The following ATPSCKMT variants were observed in gnomAD, a reference collection of about 807,000 sequenced individuals.
The protein encoded by ATPSCKMT is ATP synthase c subunit lysine N-methyltransferase, also known as ATP synthase subunit C lysine N-methyltransferase.
In ATPSCKMT, 24 loss-of-function variants were observed where a neutral mutation model predicts 24.3. The observed-to-expected ratio is 0.99, with a 90% confidence interval of 0.71 to 1.39. The LOEUF (loss-of-function observed/expected upper bound fraction) is 1.39. Ranked by LOEUF, ATPSCKMT falls within the 40% of genes most tolerant of loss-of-function variation. The pLI is 0.00. For synonymous variants in ATPSCKMT, 95 were observed against 110.5 expected, an observed-to-expected ratio of 0.86 and a Z score of 0.88; for missense variants, 311 against 298.4, an observed-to-expected ratio of 1.04 and a Z score of -0.31.
chr5:10,236,738 G>C, intron 2 of ATPSCKMT, 123 bp from the exon 3 acceptor site: 1 of 1,475,450 alleles, frequency 6.8e-7, no homozygotes, highest in Admixed American at 2.4e-5. Flanking sequence ...CCGTGACTAA[G>C]ACATCATTTT....
chr5:10,245,011 A>G (rs751480307), intron 1 of ATPSCKMT, among the ~76,000 whole-genome samples: 3 of 152,188 alleles, frequency 2.0e-5, no homozygotes, highest in African/African-American at 4.8e-5. Context: ...ACAGCAGTTA[A>G]GAGGATTTGG....
chr5:10,231,338 G>C (rs897785098), intron 4 of ATPSCKMT, among the ~76,000 whole-genome samples: 1 of 152,054 alleles, frequency 6.6e-6, no homozygotes, highest in African/African-American at 2.4e-5. Flanking sequence ...CTGGACACCT[G>C]CAAGAGCTTA....
At chr5:10,240,506 C>T (rs1193312889) in intron 1 of ATPSCKMT, among the ~76,000 whole-genome samples, 1 of 152,128 alleles carries the variant, frequency 6.6e-6, no homozygotes, top group African/African-American at 2.4e-5. Context: ...CCCAGCTCTG[C>T]CACCTCACTA....
chr5:10,236,445 G>T (rs370131977), intron 3 of ATPSCKMT, 33 bp downstream of exon 3: 4 of 1,576,032 alleles, frequency 2.5e-6, no homozygotes, highest in East Asian at 4.5e-5. Flanking sequence ...TTTTCCCTTG[G>T]ATTTCTCTAG....
intron 3 of ATPSCKMT, 52 bp downstream of exon 3, chr5:10,236,426 A>G (rs1198714712): frequency 1.3e-6 from 2 of 1,571,564 alleles, no homozygotes; most frequent in Admixed American, 3.8e-5. Flanking sequence ...CTAATTTTGA[A>G]TAATAAAATT....
rs1226876036 is a variant in ATPSCKMT, at chr5:10,238,909, C to T, written c.306+158G>A. On this transcript the variant is annotated intron_variant, in intron 2 of 4. Transcript: ENST00000511437. ...ATCTGGGAAAAATGAATTCCAAACACACTGGTAGTTGAATAGTTTGGTCAA... is the reference window on the plus strand; with the variant it reads ...ATCTGGGAAAAATGAATTCCAAACATACTGGTAGTTGAATAGTTTGGTCAA... 3 of 854,082 alleles carry T rather than the reference C, an allele frequency of 3.5e-6. No homozygotes were observed. In the East Asian group the frequency reaches 8.0e-5, roughly 23 times the overall value. The allele number at this position is 854,082 out of a possible 1,614,324, so 52.9% of individuals were successfully genotyped here.
rs544238057 is a variant in ATPSCKMT, at chr5:10,229,741, C to T, written c.496-2094G>A. Among the ~76,000 whole-genome samples, 73 of 152,190 alleles carry T rather than the reference C, an allele frequency of 4.8e-4. 1 individual carries two copies. Among genetic ancestry groups the T allele is most frequent in the South Asian group, 8.3e-4 (4 of 4,832 alleles). On this transcript the variant is annotated intron_variant, in intron 4 of 4. Coordinates refer to ENST00000511437, the MANE Select transcript of ATPSCKMT (RefSeq NM_199133.4). ...TGCCTCTCTCTGTCTCCTTATCTACCGATCTGCTATAAGGACAAACACCTA... is the reference window on the plus strand; with the variant it reads ...TGCCTCTCTCTGTCTCCTTATCTACTGATCTGCTATAAGGACAAACACCTA...
At chr5:10,234,584 T>C (rs1010196728) in intron 4 of ATPSCKMT, among the ~76,000 whole-genome samples, 5 of 152,256 alleles carry the variant, frequency 3.3e-5, no homozygotes, top group African/African-American at 7.2e-5. Flanking sequence ...GCTACAATGA[T>C]AGACTTTGAA....
intron 4 of ATPSCKMT, 139 bp downstream of exon 4, chr5:10,235,062 TATTTTATTAA>T (rs1272804236): frequency 4.6e-6 from 3 of 659,218 alleles, no homozygotes; most frequent in Non-Finnish European, 8.0e-6. Flanking sequence ...GACTCTGAAG[TATTTTATTAA>T]ATCAATGAAC....
intron 1 of ATPSCKMT, among the ~76,000 whole-genome samples, chr5:10,241,080 G>C (rs528824228): frequency 6.6e-6 from 1 of 151,894 alleles, no homozygotes; most frequent in African/African-American, 2.4e-5. Context: ...GCAGGCCTGC[G>C]TTCCTTCTGG....
At chr5:10,249,678 G>T (rs2548551) in intron 1 of ATPSCKMT, 180 bp downstream of exon 1, 814,076 of 989,774 alleles carry the variant, frequency 0.82, 339,962 homozygotes, top group East Asian at 0.9. Flanking sequence ...CGCCAGAACC[G>T]GCGCGGGCAC....
At chr5:10,229,030 C>G (rs1011364260) in intron 4 of ATPSCKMT, among the ~76,000 whole-genome samples, 1 of 152,210 alleles carries the variant, frequency 6.6e-6, no homozygotes, top group Non-Finnish European at 1.5e-5. Flanking sequence ...ATACAATATG[C>G]TCCTTTACTT....
intron 1 of ATPSCKMT, among the ~76,000 whole-genome samples, chr5:10,246,613 A>T (rs1337052286): frequency 6.6e-6 from 1 of 152,246 alleles, no homozygotes; most frequent in Non-Finnish European, 1.5e-5. Context: ...ATGGCTTAAT[A>T]ATATTCCATT....
At position 10,242,717 on chromosome 5, in the gene ATPSCKMT, C is replaced by T. The variant is rs186578160; in HGVS notation, c.17-3361G>A. 2.0e-4 allele frequency among the ~76,000 whole-genome samples: 30 copies of T among 152,306 alleles called. 1 individual carries two copies. In the East Asian group the frequency reaches 5.0e-3, roughly 25 times the overall value. On this transcript the variant is annotated intron_variant, in intron 1 of 4. Transcript: ENST00000511437. ...ACTATCTATTGCATCTCTAGCCTTA[C>T]GAAATGTATTTCTTAAATAACAAGA...
intron 1 of ATPSCKMT, among the ~76,000 whole-genome samples, chr5:10,243,490 A>C (rs186185674): frequency 3.3e-3 from 503 of 152,200 alleles, no homozygotes; most frequent in Non-Finnish European, 5.4e-3. Context: ...AGAAAAAAAA[A>C]AAAGAAAATC....
intron 4 of ATPSCKMT, among the ~76,000 whole-genome samples, chr5:10,232,340 C>T (rs1283922735): frequency 6.6e-6 from 1 of 152,154 alleles, no homozygotes; most frequent in African/African-American, 2.4e-5. Context: ...ATTCAACAAC[C>T]GTTTACTGAG....
At chr5:10,228,681 G>T (rs1024764033) in intron 4 of ATPSCKMT, among the ~76,000 whole-genome samples, 4 of 151,780 alleles carry the variant, frequency 2.6e-5, no homozygotes, top group Non-Finnish European at 5.9e-5. Flanking sequence ...CTATACCCAG[G>T]TTCAAATAAT....
chr5:10,249,420 T>A (rs536243686), intron 1 of ATPSCKMT: 6 of 192,826 alleles, frequency 3.1e-5, no homozygotes, highest in African/African-American at 1.4e-4. Flanking sequence ...CCGTTCTCCT[T>A]GAATCTCACA....
At chr5:10,244,924 A>G (rs1012695358) in intron 1 of ATPSCKMT, among the ~76,000 whole-genome samples, 1 of 147,458 alleles carries the variant, frequency 6.8e-6, no homozygotes. Context: ...AAAAAAAAAA[A>G]GAAAAGTCAA....
Sources: allele counts gnomAD v4.1 joint callset (sites outside exome capture counted in the v4.1 genomes callset), GRCh38; gene constraint gnomAD v4.1.1; transcripts MANE v1.5; gene names NCBI Gene and HGNC (gene_info 2026-07-23, HGNC 2026-07-21).